KLRB1: variants seen among roughly 807,000 people sequenced by gnomAD.
KLRB1 encodes killer cell lectin-like receptor subfamily B member 1.
A neutral mutation model predicts 33.5 loss-of-function variants in KLRB1; 27 were observed. That is an observed-to-expected ratio of 0.81 (90% CI 0.59 to 1.11). The LOEUF (loss-of-function observed/expected upper bound fraction) is 1.11. KLRB1 is among the 50% of genes most tolerant of loss of function. The pLI is 0.00. For synonymous variants in KLRB1, 64 were observed against 88.9 expected, an observed-to-expected ratio of 0.72 and a Z score of 1.58; for missense variants, 241 against 254.1, an observed-to-expected ratio of 0.95 and a Z score of 0.35.
intron 2 of KLRB1, among the ~76,000 whole-genome samples, chr12:9,600,456 T>C (rs1591656527): frequency 1.3e-5 from 2 of 152,174 alleles, no homozygotes; most frequent in African/African-American, 4.8e-5. Context: ...AGCCAAATTA[T>C]GTTGAGATTG....
At chr12:9,600,989 G>A (rs1189935614) in intron 2 of KLRB1, among the ~76,000 whole-genome samples, 12 of 147,862 alleles carry the variant, frequency 8.1e-5, no homozygotes, top group Non-Finnish European at 1.0e-4. Context: ...GCAATGGAAT[G>A]TCTCGGTATA....
chr12:9,595,456 A>G (rs1281535254), intron 5 of KLRB1, 35 bp from the exon 6 acceptor site: 5 of 1,602,134 alleles, frequency 3.1e-6, no homozygotes, highest in African/African-American at 1.3e-5. Context: ...CTTAGCATTT[A>G]TGATTTTCTC....
intron 1 of KLRB1, among the ~76,000 whole-genome samples, chr12:9,606,043 C>T (rs1460310454): frequency 6.6e-6 from 1 of 152,132 alleles, no homozygotes; most frequent in African/African-American, 2.4e-5. Context: ...ACCAAATCCT[C>T]CCTATAGTTA....
intron 1 of KLRB1, among the ~76,000 whole-genome samples, chr12:9,607,332 T>TTTCCTTCCTTTCTTTCTTTC: frequency 1.7e-5 from 1 of 58,692 alleles, no homozygotes; most frequent in Admixed American, 2.1e-4. Context: ...TTTCTCTTTC[T>TTTCCTTCCTTTCTTTCTTTC]TTCCTTTCTT....
At chr12:9,604,540 CA>C (rs1259336679) in intron 1 of KLRB1, among the ~76,000 whole-genome samples, 16 of 152,288 alleles carry the variant, frequency 1.1e-4, no homozygotes, top group Admixed American at 6.5e-4. Context: ...ACTCTCCACG[CA>C]GATGCCTCCT....
At chr12:9,599,501 C>T (rs17732655) in intron 3 of KLRB1, among the ~76,000 whole-genome samples, 2,972 of 152,340 alleles carry the variant, frequency 0.02, 32 homozygotes, top group Non-Finnish European at 0.028. Context: ...CTAGCAGAGG[C>T]TCCTCATGAG....
Position 9,606,734 on chromosome 12 carries a change from G to GTATA in KLRB1, c.85+1017_85+1020dup, listed in dbSNP as rs1234515362. ...AATATATAAAATATATGTATAAAAAGTATATATATATATATATATATATAT... is the reference window on the plus strand; with the variant it reads ...AATATATAAAATATATGTATAAAAAGTATATATATATATATATATATATATATAT... On this transcript the variant is annotated intron_variant, in intron 1 of 5. Coordinates refer to ENST00000229402, the MANE Select transcript of KLRB1 (RefSeq NM_002258.3). Among the ~76,000 whole-genome samples the GTATA allele has an allele frequency of 4.2e-3, 104 of 24,890 alleles. 11 individuals are homozygous for GTATA. Among genetic ancestry groups the GTATA allele is most frequent in the African/African-American group, 0.015 (81 of 5,326 alleles). 16.3% of individuals were successfully genotyped at this position (24,890 alleles called of 152,430 possible). A position where few individuals can be genotyped will look rare whatever the true frequency, so the allele number is the denominator to read the frequency against.
rs1864482702 is a variant in KLRB1, at chr12:9,595,303, C to A, written c.649G>T (p.Val217Leu). Reference sequence around the variant, plus strand: ...GAGTCAGGATACACTTTATTTCTCACAGGTGTTAGTTCTTTTTGGCAGATC... The same window carrying A: ...GAGTCAGGATACACTTTATTTCTCAAAGGTGTTAGTTCTTTTTGGCAGATC... ...RWICQKELTPVRNKVYPDS is the reference protein window; with the variant it reads ...RWICQKELTPLRNKVYPDS Residue 217 changes from valine (V) to leucine (L), a missense_variant, in exon 6 of 6, where the codon GTG becomes TTG. Coordinates refer to ENST00000229402, the MANE Select transcript of KLRB1 (RefSeq NM_002258.3). 1.2e-6 allele frequency: 2 copies of A among 1,613,406 alleles called. No homozygotes were observed. Among genetic ancestry groups the A allele is most frequent in the Admixed American group, 1.7e-5 (1 of 59,994 alleles).
chr12:9,606,758 A>ATTTTTTTTTTTTTTTTTTTTTTTTTTTT (rs1285915836), intron 1 of KLRB1, among the ~76,000 whole-genome samples: 1 of 65,910 alleles, frequency 1.5e-5, no homozygotes, highest in Non-Finnish European at 2.5e-5. Context: ...ATATATATAT[A>ATTTTTTTTTTTTTTTTTTTTTTTTTTTT]TATTTTTTTT....
chr12:9,604,042 A>G (rs1360002945), intron 1 of KLRB1, among the ~76,000 whole-genome samples: 1 of 151,928 alleles, frequency 6.6e-6, no homozygotes, highest in Non-Finnish European at 1.5e-5. Context: ...ACTATAGGTA[A>G]AAGGCAACTT....
chr12:9,598,632 C>A lies in KLRB1; in HGVS notation c.281G>T (p.Cys94Phe), dbSNP rs1864514209. 6.2e-7 allele frequency: 1 copy of A among 1,610,258 alleles called. No individual in the cohort carries two copies. The highest frequency in any genetic ancestry group is 8.5e-7 in the Non-Finnish European group (1 of 1,177,986). Residue 94 changes from cysteine to phenylalanine, a missense_variant, in exon 4 of 6, where the codon TGC becomes TTC. Transcript: ENST00000229402. ...KTTERPGLLN[C>F]PIYWQQLREK... is the part of the protein sequence containing the mutation. ...TCGGAGTTGCTGCCAATATATTGGG[C>A]AGTTTAAGAGACCCGGTCTCTCTAA...
At chr12:9,595,676 G>T in intron 5 of KLRB1, among the ~76,000 whole-genome samples, 1 of 151,986 alleles carries the variant, frequency 6.6e-6, no homozygotes, top group African/African-American at 2.4e-5. Context: ...AAAAAAGAAA[G>T]AAACTTTGGA....
intron 1 of KLRB1, among the ~76,000 whole-genome samples, chr12:9,607,334 TCC>T (rs36145199): frequency 3.8e-5 from 1 of 26,146 alleles, no homozygotes; most frequent in African/African-American, 6.9e-5. Context: ...TCTCTTTCTT[TCC>T]TTTCTTTCTT....
chr12:9,596,522 C>T (rs139789878), intron 5 of KLRB1, among the ~76,000 whole-genome samples: 1 of 152,248 alleles, frequency 6.6e-6, no homozygotes, highest in Non-Finnish European at 1.5e-5. Context: ...ATGATTCTTC[C>T]CTTTCTTTCC....
intron 1 of KLRB1, among the ~76,000 whole-genome samples, chr12:9,605,262 A>C (rs1247794805): frequency 6.6e-6 from 1 of 152,130 alleles, no homozygotes; most frequent in Non-Finnish European, 1.5e-5. Context: ...GTTGGTTCCA[A>C]GTCTTTGCTA....
At chr12:9,596,900 C>A (rs61913639) in intron 5 of KLRB1, among the ~76,000 whole-genome samples, 11,591 of 152,070 alleles carry the variant, frequency 0.076, 571 homozygotes, top group East Asian at 0.22. Context: ...AAAATAACCC[C>A]CAGAAAGCAA....
chr12:9,598,613 T>A lies in KLRB1; in HGVS notation c.300A>T (p.Gln100His), dbSNP rs772576036. 2 of 1,613,008 alleles carry A rather than the reference T, an allele frequency of 1.2e-6. No homozygotes were observed. The highest frequency in any genetic ancestry group is 2.2e-5 in the East Asian group (1 of 44,870). Residue 100 changes from glutamine (Q) to histidine (H), a missense_variant, in exon 4 of 6, where the codon CAA becomes CAT. Gln to His is a conservative substitution (Grantham distance 24). Coordinates refer to ENST00000229402, the MANE Select transcript of KLRB1 (RefSeq NM_002258.3). ...GLLNCPIYWQ[Q>H]LREKCLLFSH... ...AAAATAACAAGCATTTCTCTCGGAG[T>A]TGCTGCCAATATATTGGGCAGTTTA...
At chr12:9,598,363 T>A in intron 4 of KLRB1, 136 bp downstream of exon 4, 1 of 764,956 alleles carries the variant, frequency 1.3e-6, no homozygotes, top group Non-Finnish European at 2.2e-6. Context: ...TTTGTTTACA[T>A]ATCCATGTAG....
intron 1 of KLRB1, among the ~76,000 whole-genome samples, 167 bp from the exon 2 acceptor site, chr12:9,601,766 T>C (rs1433496946): frequency 1.3e-5 from 2 of 152,188 alleles, no homozygotes; most frequent in African/African-American, 2.4e-5. Context: ...TCCATCATTC[T>C]AAAAGTAGAG....
Sources: allele counts gnomAD v4.1 joint callset (sites outside exome capture counted in the v4.1 genomes callset), GRCh38; gene constraint gnomAD v4.1.1; transcripts MANE v1.5; gene names NCBI Gene and HGNC (gene_info 2026-07-23, HGNC 2026-07-21).